Variants in PTPRZ1 observed in about 807,000 individuals in gnomAD.
The protein encoded by PTPRZ1 is protein tyrosine phosphatase receptor type Z1, also known as receptor-type tyrosine-protein phosphatase zeta.
Under a neutral mutation model 214.1 loss-of-function variants are expected in PTPRZ1, and 82 were observed. The observed-to-expected ratio is 0.38, with a 90% CI of 0.32 to 0.46. The LOEUF is 0.46. PTPRZ1 is among the 20% of genes least tolerant of loss of function. The probability of loss-of-function intolerance (pLI) is 1.00; values close to 1 mark genes in which losing one functional copy is unlikely to be tolerated. For synonymous variants in PTPRZ1, 945 were observed against 987.9 expected, an observed-to-expected ratio of 0.96 and a Z score of 0.81; for missense variants, 2,603 against 2,748.7, an observed-to-expected ratio of 0.95 and a Z score of 1.19.
At chr7:121,960,178 A>C (rs1367332678) in intron 2 of PTPRZ1, among the ~76,000 whole-genome samples, 1 of 152,118 alleles carries the variant, frequency 6.6e-6, no homozygotes, top group Non-Finnish European at 1.5e-5. Flanking sequence ...AGCTGTAATT[A>C]CGGGCGTGCG....
intron 1 of PTPRZ1, among the ~76,000 whole-genome samples, chr7:121,886,975 C>T (rs1225843800): frequency 6.6e-6 from 1 of 152,288 alleles, no homozygotes; most frequent in Middle Eastern, 3.4e-3. Flanking sequence ...AATCTCCACA[C>T]GTGTGCTCCT....
intron 1 of PTPRZ1, among the ~76,000 whole-genome samples, chr7:121,874,177 C>A (rs1379420618): frequency 1.3e-5 from 2 of 152,004 alleles, no homozygotes; most frequent in African/African-American, 4.8e-5. Flanking sequence ...AAAAAAGTTC[C>A]ATCTAAATCT....
At chr7:121,976,026 C>T in intron 4 of PTPRZ1, 147 bp from the exon 5 acceptor site, 1 of 488,906 alleles carries the variant, frequency 2.0e-6, no homozygotes, top group Non-Finnish European at 3.6e-6. Flanking sequence ...TATTCCCTTC[C>T]TTATTGAAGG....
chr7:121,873,635 A>G, intron 1 of PTPRZ1, 78 bp downstream of exon 1: 6 of 1,534,910 alleles, frequency 3.9e-6, no homozygotes, highest in Non-Finnish European at 5.4e-6. Flanking sequence ...CGTGTCCGCG[A>G]CTTGCCGCCG....
chr7:121,908,680 C>G, intron 1 of PTPRZ1: 1 of 466,590 alleles, frequency 2.1e-6, no homozygotes, highest in Non-Finnish European at 4.1e-6. Flanking sequence ...GAATAAATTG[C>G]TATTCAAAAT....
chr7:121,880,876 A>C (rs1794217885), intron 1 of PTPRZ1, among the ~76,000 whole-genome samples: 1 of 152,152 alleles, frequency 6.6e-6, no homozygotes, highest in African/African-American at 2.4e-5. Context: ...TGCCCAAAGG[A>C]GCATAAGGAT....
intron 27 of PTPRZ1, among the ~76,000 whole-genome samples, chr7:122,055,368 A>C (rs962486137): frequency 6.6e-6 from 1 of 151,980 alleles, no homozygotes; most frequent in Non-Finnish European, 1.5e-5. Flanking sequence ...TGAAAAATAA[A>C]CACAGTAAAA....
chr7:121,883,414 T>C (rs1393883244), intron 1 of PTPRZ1, among the ~76,000 whole-genome samples: 1 of 152,216 alleles, frequency 6.6e-6, no homozygotes, highest in Admixed American at 6.5e-5. Context: ...AGTGAACACA[T>C]GTACTATTGG....
intron 2 of PTPRZ1, among the ~76,000 whole-genome samples, chr7:121,965,203 C>T (rs1406840319): frequency 1.3e-5 from 2 of 152,122 alleles, no homozygotes; most frequent in African/African-American, 4.8e-5. Flanking sequence ...GGAAGGGCTG[C>T]TTAGCTGGCT....
At chr7:121,897,244 A>C (rs564672175) in intron 1 of PTPRZ1, among the ~76,000 whole-genome samples, 29 of 152,328 alleles carry the variant, frequency 1.9e-4, no homozygotes, top group Middle Eastern at 6.8e-3. Flanking sequence ...TACTGATTTC[A>C]AAGCCTCTGC....
chr7:121,887,092 G>A (rs1036539219), intron 1 of PTPRZ1, among the ~76,000 whole-genome samples: 2 of 151,852 alleles, frequency 1.3e-5, no homozygotes, highest in African/African-American at 4.8e-5. Flanking sequence ...CCTTCCACAG[G>A]AAGGGAAACA....
chr7:122,000,376 T>G (rs1798279621), intron 10 of PTPRZ1, among the ~76,000 whole-genome samples: 1 of 151,840 alleles, frequency 6.6e-6, no homozygotes, highest in African/African-American at 2.4e-5. Flanking sequence ...ACAGATTTGG[T>G]GCCTACAAGA....
intron 9 of PTPRZ1, 122 bp from the exon 10 acceptor site, chr7:121,997,758 G>T: frequency 1.4e-6 from 1 of 709,042 alleles, no homozygotes; most frequent in South Asian, 2.5e-5. Context: ...CTTTTCCTTA[G>T]GTTAATAAAA....
At chr7:122,050,333 C>T (rs547630986) in intron 23 of PTPRZ1, among the ~76,000 whole-genome samples, 7 of 142,046 alleles carry the variant, frequency 4.9e-5, no homozygotes, top group African/African-American at 1.9e-4. Flanking sequence ...GTGCCAGCCA[C>T]TCGGGAGGCT....
chr7:121,990,800 G>A (rs1289810156), intron 8 of PTPRZ1, among the ~76,000 whole-genome samples: 7 of 152,260 alleles, frequency 4.6e-5, no homozygotes, highest in Admixed American at 3.3e-4. Context: ...GATTACAGGC[G>A]TGAGCCATCG....
chr7:121,881,396 G>A (rs975462196), intron 1 of PTPRZ1, among the ~76,000 whole-genome samples: 1 of 152,186 alleles, frequency 6.6e-6, no homozygotes, highest in African/African-American at 2.4e-5. Flanking sequence ...TCATACTGAT[G>A]CCTGGGCATC....
rs1794482010 is a variant in PTPRZ1, at chr7:121,888,718, A to AT, written c.58+15164dup. Among the ~76,000 whole-genome samples, 4 of 152,286 alleles carry AT rather than the reference A, an allele frequency of 2.6e-5. No individual in the cohort carries two copies. The South Asian group carries it at 8.3e-4, about 32-fold the overall frequency. On this transcript the variant is annotated intron_variant, in intron 1 of 29. Coordinates refer to ENST00000393386, the MANE Select transcript of PTPRZ1 (RefSeq NM_002851.3). ...GCCAGGACAAAATGTAATTGTTATA[A>AT]TTTAAGAAATACATAATTAAGAGAA...
At chr7:122,025,739 A>C (rs1799191595) in intron 13 of PTPRZ1, among the ~76,000 whole-genome samples, 1 of 152,232 alleles carries the variant, frequency 6.6e-6, no homozygotes, top group Admixed American at 6.5e-5. Context: ...GCCATTTCAC[A>C]GAGAAGATAC....
At chr7:122,019,579 G>A (rs570746448) in intron 13 of PTPRZ1, among the ~76,000 whole-genome samples, 5 of 151,850 alleles carry the variant, frequency 3.3e-5, no homozygotes, top group Admixed American at 6.6e-5. Flanking sequence ...TAAGCTTCTC[G>A]TTAGTTGTTA....
Sources: gnomAD v4.1 joint callset for allele counts (sites outside exome capture counted in the v4.1 genomes callset) on GRCh38, gnomAD v4.1.1 for gene constraint, MANE v1.5 for transcripts, NCBI Gene and HGNC (gene_info 2026-07-23, HGNC 2026-07-21) for gene names.